The following MYT1L variants were observed in gnomAD, a reference collection of about 807,000 sequenced individuals.
MYT1L encodes the protein myelin transcription factor 1 like.
In MYT1L, 12 loss-of-function variants were observed where a neutral mutation model predicts 126.7. That is an observed-to-expected ratio of 0.09 (90% CI 0.06 to 0.15). The LOEUF (loss-of-function observed/expected upper bound fraction) is 0.15, where lower values mean the gene tolerates loss of function less well. Among genes scored for constraint, MYT1L ranks in the 10% least tolerant of loss-of-function variants. The pLI is 1.00. For missense variants in MYT1L, 979 were observed against 1,585.2 expected (o/e 0.62, Z 6.49); for synonymous variants, 541 against 604.2 (o/e 0.90, Z 1.53).
intron 3 of MYT1L, among the ~76,000 whole-genome samples, chr2:2,104,700 C>G (rs1442672992): frequency 1.3e-5 from 2 of 152,232 alleles, no homozygotes; most frequent in African/African-American, 4.8e-5. Context: ...AACAACAAAG[C>G]CTCTGAATGT....
chr2:1,956,863 G>C (rs1025241023), intron 8 of MYT1L, among the ~76,000 whole-genome samples: 8 of 152,164 alleles, frequency 5.3e-5, no homozygotes, highest in Admixed American at 2.0e-4. Flanking sequence ...GATGGAAATG[G>C]GGTAGAATCT....
rs2082866297 is a variant in MYT1L at position 2,135,078 on chromosome 2, G to A, written c.-304+37794C>T. 4.6e-5 allele frequency among the ~76,000 whole-genome samples: 7 copies of A among 152,246 alleles called. No individual in the cohort carries two copies. The South Asian group carries it at 1.2e-3, about 27-fold the overall frequency. ...TCCAGCTCCCTGCTCCCTCACTGGT[G>A]CAGAATTTCTGAGTTTATTCTAATT... On this transcript the variant is annotated intron_variant, in intron 3 of 24. Coordinates refer to ENST00000647738, the MANE Select transcript of MYT1L (RefSeq NM_001303052.2).
At chr2:2,125,912 A>C (rs1380084930) in intron 3 of MYT1L, among the ~76,000 whole-genome samples, 19 of 152,238 alleles carry the variant, frequency 1.2e-4, no homozygotes, top group Non-Finnish European at 1.5e-5. Flanking sequence ...ACAATGCCGC[A>C]ATGCAAGAAT....
chr2:1,953,331 G>T (rs1055023439), intron 8 of MYT1L, among the ~76,000 whole-genome samples: 2 of 152,150 alleles, frequency 1.3e-5, no homozygotes, highest in Non-Finnish European at 2.9e-5. Flanking sequence ...ATTCCACTGC[G>T]TGTCCACAGT....
At chr2:1,941,583 G>A (rs1416789489) in intron 9 of MYT1L, among the ~76,000 whole-genome samples, 1 of 152,172 alleles carries the variant, frequency 6.6e-6, no homozygotes, top group Non-Finnish European at 1.5e-5. Flanking sequence ...CTGTTGATAG[G>A]TGTTCTGATA....
chr2:2,242,436 G>C (rs1208008294), intron 2 of MYT1L, among the ~76,000 whole-genome samples: 1 of 152,206 alleles, frequency 6.6e-6, no homozygotes. Flanking sequence ...GCTTTAGCTA[G>C]AAGAAAATGT....
At position 2,235,750 on chromosome 2, in the gene MYT1L, G is replaced by A. The variant is rs1559416502; in HGVS notation, c.-421+48654C>T. ...ATGTACTAACTCCGGCTGACTGGCTGATTTCCATGGTGAAATTGTGAATTC... is the reference window on the plus strand; with the variant it reads ...ATGTACTAACTCCGGCTGACTGGCTAATTTCCATGGTGAAATTGTGAATTC... On this transcript the variant is annotated intron_variant, in intron 2 of 24. Coordinates refer to ENST00000647738, the MANE Select transcript of MYT1L (RefSeq NM_001303052.2). 2.0e-5 allele frequency among the ~76,000 whole-genome samples: 3 copies of A among 152,106 alleles called. No individual in the cohort carries two copies. The South Asian group carries it at 6.2e-4, about 32-fold the overall frequency.
At chr2:2,261,753 G>T (rs2094974432) in intron 2 of MYT1L, among the ~76,000 whole-genome samples, 1 of 152,182 alleles carries the variant, frequency 6.6e-6, no homozygotes. Context: ...ATGATGATGT[G>T]CTTCTCGTAA....
At position 1,898,579 on chromosome 2, in the gene MYT1L, G is replaced by A. The variant is rs554437244; in HGVS notation, c.2032+4501C>T. On this transcript the variant is annotated intron_variant, in intron 14 of 24. Coordinates refer to ENST00000647738, the MANE Select transcript of MYT1L (RefSeq NM_001303052.2). ...GAGGGTGGAGCGAATCTGCAGACCCGGCCTGTGACCTAGCAGGAGCTTGCG... is the reference window on the plus strand; with the variant it reads ...GAGGGTGGAGCGAATCTGCAGACCCAGCCTGTGACCTAGCAGGAGCTTGCG... Among the ~76,000 whole-genome samples the A allele has an allele frequency of 3.3e-4, 50 of 152,320 alleles. 1 individual carries two copies. Among genetic ancestry groups the A allele is most frequent in the Non-Finnish European group, 4.6e-4 (31 of 68,030 alleles).
Position 2,104,637 on chromosome 2 carries a change from G to A in MYT1L, c.-303-50514C>T, listed in dbSNP as rs1468619036. 3.3e-5 allele frequency among the ~76,000 whole-genome samples: 5 copies of A among 152,224 alleles called. 1 individual carries two copies. The highest frequency in any genetic ancestry group is 6.5e-5 in the Admixed American group (1 of 15,290). Reference sequence around the variant, plus strand: ...CTGCGTCCAGTTACATATTTGGCACGAAGTGCTTTCTGTGGTCTTTGTCCG... The same window carrying A: ...CTGCGTCCAGTTACATATTTGGCACAAAGTGCTTTCTGTGGTCTTTGTCCG... On this transcript the variant is annotated intron_variant, in intron 3 of 24. Transcript: ENST00000647738.
chr2:2,106,468 G>A (rs12465261), intron 3 of MYT1L, among the ~76,000 whole-genome samples: 59,547 of 151,596 alleles, frequency 0.39, 12,209 homozygotes, highest in African/African-American at 0.52. Context: ...AAGTACAAAA[G>A]TTAGCCAGGT....
chr2:2,137,653 C>G (rs1242770186), intron 3 of MYT1L, among the ~76,000 whole-genome samples: 4 of 152,170 alleles, frequency 2.6e-5, no homozygotes, highest in Non-Finnish European at 2.9e-5. Flanking sequence ...AAAGCTGAAA[C>G]TGGATCGCTT....
intron 5 of MYT1L, among the ~76,000 whole-genome samples, chr2:1,990,573 T>C (rs2061377677): frequency 6.6e-6 from 1 of 152,094 alleles, no homozygotes; most frequent in Non-Finnish European, 1.5e-5. Context: ...CCTGCCTTTG[T>C]CTCCTCTTAG....
intron 3 of MYT1L, among the ~76,000 whole-genome samples, chr2:2,078,827 T>C (rs1462278970): frequency 1.3e-5 from 2 of 152,236 alleles, no homozygotes; most frequent in Non-Finnish European, 2.9e-5. Flanking sequence ...CAGTACACCA[T>C]AATCAATTGT....
chr2:2,172,162 A>G (rs1458369958), intron 3 of MYT1L, among the ~76,000 whole-genome samples: 1 of 152,100 alleles, frequency 6.6e-6, no homozygotes, highest in Non-Finnish European at 1.5e-5. Flanking sequence ...CCAGCCCTAA[A>G]AATATGTGCT....
Position 1,839,300 on chromosome 2 carries a change from C to T in MYT1L, c.2929G>A (p.Gly977Arg), listed in dbSNP as rs2041327191. 2 of 1,613,556 alleles carry T rather than the reference C, an allele frequency of 1.2e-6. No homozygotes were observed. The highest frequency in any genetic ancestry group is 2.2e-5 in the East Asian group (1 of 44,894). ...TGCCTCTTGGCCGCCAAGGGGCACCCGGAGGCGCTGCGATGGGACGCGTAC... is the reference window on the plus strand; with the variant it reads ...TGCCTCTTGGCCGCCAAGGGGCACCTGGAGGCGCTGCGATGGGACGCGTAC... ...GKYASHRSASGCPLAAKRQKD... is the reference protein window; with the variant it reads ...GKYASHRSASRCPLAAKRQKD... The change falls in exon 21 of 25, where the codon GGG becomes AGG. Residue 977 changes from glycine (G) to arginine (R), a missense_variant. Around this residue, in one of 12 missense-constraint regions of MYT1L, gnomAD observed 179 missense variants for 398.6 expected, o/e 0.45. Transcript: ENST00000647738.
At chr2:2,290,179 T>C (rs1180018156) in intron 1 of MYT1L, among the ~76,000 whole-genome samples, 1 of 152,194 alleles carries the variant, frequency 6.6e-6, no homozygotes, top group Non-Finnish European at 1.5e-5. Context: ...GTCTAGAACC[T>C]TGTCTTGGAA....
At chr2:2,093,414 A>T (rs1319805031) in intron 3 of MYT1L, among the ~76,000 whole-genome samples, 1 of 152,146 alleles carries the variant, frequency 6.6e-6, no homozygotes, top group Non-Finnish European at 1.5e-5. Context: ...CAAAAAAAAA[A>T]AAAGATTATC....
chr2:1,855,564 G>C (rs548794671), intron 18 of MYT1L, among the ~76,000 whole-genome samples: 37 of 152,326 alleles, frequency 2.4e-4, no homozygotes, highest in Non-Finnish European at 5.0e-4. Flanking sequence ...CTAGCGCCCC[G>C]CCTGCTTTCC....
Sources: gnomAD v4.1 joint callset for allele counts (sites outside exome capture counted in the v4.1 genomes callset) on GRCh38, gnomAD v4.1.1 for gene constraint, gnomAD v4.1.1 regional missense constraint, MANE v1.5 for transcripts, NCBI Gene and HGNC (gene_info 2026-07-23, HGNC 2026-07-21) for gene names.